The following PPP3CA variants were observed in gnomAD, a reference collection of about 807,000 sequenced individuals.
PPP3CA encodes protein phosphatase 3 catalytic subunit alpha, also known as CAM-PRP catalytic subunit.
Under a neutral mutation model 66.5 loss-of-function variants are expected in PPP3CA, and 14 were observed. The ratio of observed to expected loss-of-function variants is 0.21; its 90% CI spans 0.14 to 0.33. The LOEUF is 0.33. PPP3CA is among the 10% of genes least tolerant of loss of function. The probability of loss-of-function intolerance (pLI) is 1.00; values close to 1 mark genes in which losing one functional copy is unlikely to be tolerated. For missense variants in PPP3CA, 317 were observed against 639.5 expected, an observed-to-expected ratio of 0.50 and a Z score of 5.44; for synonymous variants, 232 against 226.2, an observed-to-expected ratio of 1.03 and a Z score of -0.23.
chr4:101,110,257 C>A (rs1163766038), intron 2 of PPP3CA, among the ~76,000 whole-genome samples: 2 of 152,032 alleles, frequency 1.3e-5, no homozygotes, highest in Non-Finnish European at 2.9e-5. Context: ...TTATATCCTG[C>A]AATTACAAGC....
At chr4:101,090,764 T>C (rs2110246827) in intron 6 of PPP3CA, among the ~76,000 whole-genome samples, 1 of 151,384 alleles carries the variant, frequency 6.6e-6, no homozygotes, top group South Asian at 2.1e-4. Context: ...TAGACTTTAT[T>C]CTAAATATAT....
intron 2 of PPP3CA, among the ~76,000 whole-genome samples, chr4:101,191,230 A>G (rs1724592548): frequency 6.6e-6 from 1 of 152,180 alleles, no homozygotes; most frequent in Admixed American, 6.5e-5. Context: ...TATTTTGTGA[A>G]GCCCTACAGG....
At chr4:101,327,161 G>A (rs1429040175) in intron 1 of PPP3CA, among the ~76,000 whole-genome samples, 1 of 152,164 alleles carries the variant, frequency 6.6e-6, no homozygotes, top group African/African-American at 2.4e-5. Context: ...AATAGTGAAT[G>A]TACAGAAAAT....
intron 2 of PPP3CA, among the ~76,000 whole-genome samples, chr4:101,111,891 G>T (rs1366959450): frequency 6.6e-6 from 1 of 152,110 alleles, no homozygotes; most frequent in African/African-American, 2.4e-5. Context: ...AAATGTCAAG[G>T]TCCCAGACAG....
intron 2 of PPP3CA, among the ~76,000 whole-genome samples, chr4:101,133,049 CT>C (rs57388989): frequency 0.54 from 81,465 of 151,422 alleles, 23,956 homozygotes; most frequent in African/African-American, 0.77. Context: ...AAATTCAACA[CT>C]CCTTCATGCT....
intron 1 of PPP3CA, among the ~76,000 whole-genome samples, chr4:101,263,757 A>G (rs565393643): frequency 1.3e-5 from 2 of 152,096 alleles, no homozygotes; most frequent in African/African-American, 2.4e-5. Context: ...TTTTGTTCAG[A>G]CAGGAAAAAA....
intron 1 of PPP3CA, among the ~76,000 whole-genome samples, chr4:101,261,019 T>G (rs1726993664): frequency 6.6e-6 from 1 of 152,110 alleles, no homozygotes; most frequent in South Asian, 2.1e-4. Context: ...ACAAATGATT[T>G]TTTGACAAGA....
At chr4:101,049,601 T>C (rs1194807085) in intron 10 of PPP3CA, among the ~76,000 whole-genome samples, 1 of 151,916 alleles carries the variant, frequency 6.6e-6, no homozygotes, top group Non-Finnish European at 1.5e-5. Flanking sequence ...TTTAATAGGA[T>C]TTACTGAGGA....
intron 1 of PPP3CA, among the ~76,000 whole-genome samples, chr4:101,283,340 T>C (rs909579923): frequency 2.0e-5 from 3 of 152,170 alleles, no homozygotes; most frequent in Non-Finnish European, 2.9e-5. Context: ...CAAGAGAGCA[T>C]TGTCTAGCAT....
chr4:101,034,759 T>C (rs748260435), intron 11 of PPP3CA, among the ~76,000 whole-genome samples: 7 of 152,246 alleles, frequency 4.6e-5, no homozygotes, highest in Admixed American at 6.5e-5. Flanking sequence ...TTTTCATGCA[T>C]GTATTTCAAA....
chr4:101,027,098 A>C (rs563640313), intron 13 of PPP3CA, among the ~76,000 whole-genome samples: 1 of 152,302 alleles, frequency 6.6e-6, no homozygotes, highest in East Asian at 1.9e-4. Flanking sequence ...AGCTGCAAAT[A>C]AAACACATAA....
At chr4:101,065,101 C>T (rs1257996536) in intron 8 of PPP3CA, among the ~76,000 whole-genome samples, 1 of 151,970 alleles carries the variant, frequency 6.6e-6, no homozygotes, top group African/African-American at 2.4e-5. Flanking sequence ...TTTCTGTAAA[C>T]CCATTCCCTT....
chr4:101,075,872 T>C (rs1729166204), intron 8 of PPP3CA, among the ~76,000 whole-genome samples: 1 of 152,230 alleles, frequency 6.6e-6, no homozygotes, highest in Admixed American at 6.5e-5. Context: ...ATTTAATGTC[T>C]ATCATACTAC....
At chr4:101,155,230 T>C (rs545624361) in intron 2 of PPP3CA, among the ~76,000 whole-genome samples, 1 of 152,332 alleles carries the variant, frequency 6.6e-6, no homozygotes, top group South Asian at 2.1e-4. Flanking sequence ...CCTTTTGACG[T>C]GTCCAGTAGC....
At chr4:101,322,039 C>G in intron 1 of PPP3CA, among the ~76,000 whole-genome samples, 1 of 152,168 alleles carries the variant, frequency 6.6e-6, no homozygotes, top group East Asian at 1.9e-4. Flanking sequence ...GAACCCTTGT[C>G]AAATGAGCTC....
intron 1 of PPP3CA, among the ~76,000 whole-genome samples, chr4:101,329,383 T>A (rs915801516): frequency 6.6e-6 from 1 of 152,184 alleles, no homozygotes; most frequent in African/African-American, 2.4e-5. Flanking sequence ...TTAGCAGAAG[T>A]TGGTTCATGA....
chr4:101,094,235 T>C (rs1730092167), intron 5 of PPP3CA, among the ~76,000 whole-genome samples: 1 of 152,156 alleles, frequency 6.6e-6, no homozygotes, highest in Non-Finnish European at 1.5e-5. Context: ...CATTTTATCC[T>C]TCTCTCCTTA....
intron 1 of PPP3CA, among the ~76,000 whole-genome samples, chr4:101,252,943 T>C (rs1230279784): frequency 1.3e-5 from 2 of 152,110 alleles, no homozygotes; most frequent in Admixed American, 6.5e-5. Flanking sequence ...CTCTAAGAGG[T>C]TGCTGCTTGC....
At chr4:101,051,137 T>G (rs1727990355) in intron 10 of PPP3CA, among the ~76,000 whole-genome samples, 1 of 152,064 alleles carries the variant, frequency 6.6e-6, no homozygotes, top group Non-Finnish European at 1.5e-5. Flanking sequence ...TTCTACAGAG[T>G]TCTGAGACAA....
Sources: allele counts gnomAD v4.1 joint callset (sites outside exome capture counted in the v4.1 genomes callset), GRCh38; gene constraint gnomAD v4.1.1; transcripts MANE v1.5; gene names NCBI Gene and HGNC (gene_info 2026-07-23, HGNC 2026-07-21).